The following PPP6R2 variants were observed in gnomAD, a reference collection of about 807,000 sequenced individuals.
The protein encoded by PPP6R2 is protein phosphatase 6 regulatory subunit 2.
Under a neutral mutation model 100.2 loss-of-function variants are expected in PPP6R2, and 62 were observed. The observed-to-expected ratio is 0.62, with a 90% CI of 0.50 to 0.76. The LOEUF (loss-of-function observed/expected upper bound fraction) is 0.76. PPP6R2 is among the 30% of genes least tolerant of loss of function. The probability of loss-of-function intolerance (pLI) is 0.00; values close to 1 mark genes in which losing one functional copy is unlikely to be tolerated. For missense variants in PPP6R2, 1,142 were observed against 1,276.3 expected, an observed-to-expected ratio of 0.89 and a Z score of 1.60; for synonymous variants, 525 against 514.7, an observed-to-expected ratio of 1.02 and a Z score of -0.27.
chr22:50,397,238 G>A (rs377578818), intron 3 of PPP6R2, among the ~76,000 whole-genome samples: 22 of 152,058 alleles, frequency 1.4e-4, no homozygotes, highest in East Asian at 1.2e-3. Flanking sequence ...CTGTGACTTC[G>A]GAGGGAGAGC....
chr22:50,378,412 C>T (rs1356743322), intron 2 of PPP6R2, among the ~76,000 whole-genome samples: 1 of 151,808 alleles, frequency 6.6e-6, no homozygotes, highest in Non-Finnish European at 1.5e-5. Context: ...CGTGGAGAAA[C>T]CCCATCTCTA....
intron 2 of PPP6R2, among the ~76,000 whole-genome samples, chr22:50,389,640 C>A (rs1319527905): frequency 6.6e-6 from 1 of 151,406 alleles, no homozygotes; most frequent in Middle Eastern, 3.2e-3. Context: ...GCTCTGTCGC[C>A]CAGGCTGGAG....
chr22:50,419,262 G>T, intron 7 of PPP6R2, 87 bp from the exon 8 acceptor site: 2 of 1,183,100 alleles, frequency 1.7e-6, no homozygotes, highest in Non-Finnish European at 2.5e-6. Flanking sequence ...TTTTGCTGGG[G>T]TCCTCCACGG....
intron 2 of PPP6R2, among the ~76,000 whole-genome samples, chr22:50,375,187 A>C (rs1345941464): frequency 6.6e-6 from 1 of 152,086 alleles, no homozygotes; most frequent in Non-Finnish European, 1.5e-5. Context: ...GCAAGGTTTT[A>C]TGTTTCTGAG....
intron 2 of PPP6R2, among the ~76,000 whole-genome samples, chr22:50,376,007 A>G (rs902508219): frequency 6.6e-6 from 1 of 151,546 alleles, no homozygotes; most frequent in African/African-American, 2.4e-5. Flanking sequence ...TAATTTTTGT[A>G]TTTTTAGTAA....
chr22:50,408,668 T>C (rs1299595356), intron 4 of PPP6R2, among the ~76,000 whole-genome samples: 1 of 152,216 alleles, frequency 6.6e-6, no homozygotes, highest in Admixed American at 6.5e-5. Flanking sequence ...AGTGACTAGA[T>C]GCATGTATCT....
Position 50,401,553 on chromosome 22 carries a change from C to A in PPP6R2, c.228-5136C>A, listed in dbSNP as rs577753804. ...GACAGAGTCTGTCTCGCTCTGTCGC[C>A]CAGGCTGGAGTACAGTGATGCGATC... On this transcript the variant is annotated intron_variant, in intron 3 of 23. Transcript: ENST00000612753. Among the ~76,000 whole-genome samples, 218 of 151,032 alleles carry A rather than the reference C, an allele frequency of 1.4e-3. 1 individual carries two copies. Among genetic ancestry groups the A allele is most frequent in the African/African-American group, 5.1e-3 (208 of 41,124 alleles).
the PPP6R2 span, among the ~76,000 whole-genome samples, chr22:50,335,427 C>G: frequency 6.6e-6 from 1 of 151,628 alleles, no homozygotes; most frequent in African/African-American, 2.4e-5. Context: ...CTCAAACTGA[C>G]CTTGTGATCT....
intron 22 of PPP6R2, among the ~76,000 whole-genome samples, chr22:50,442,201 C>T (rs558184452): frequency 4.5e-4 from 68 of 152,342 alleles, no homozygotes; most frequent in South Asian, 4.1e-4. Flanking sequence ...GTGGGGCAGG[C>T]CTGACACCTC....
chr22:50,426,844 A>AC (rs1238123410), intron 10 of PPP6R2, among the ~76,000 whole-genome samples: 1 of 149,106 alleles, frequency 6.7e-6, no homozygotes, highest in Non-Finnish European at 1.5e-5. Context: ...AAAAAAAAAA[A>AC]AAAAAAACAC....
At chr22:50,353,934 G>T (rs1023039233) in intron 1 of PPP6R2, among the ~76,000 whole-genome samples, 58 of 152,044 alleles carry the variant, frequency 3.8e-4, no homozygotes, top group African/African-American at 1.4e-3. Flanking sequence ...ATACATTTTG[G>T]AATTGTAACG....
At chr22:50,397,059 G>A (rs2057044003) in intron 3 of PPP6R2, among the ~76,000 whole-genome samples, 1 of 152,154 alleles carries the variant, frequency 6.6e-6, no homozygotes, top group East Asian at 1.9e-4. Context: ...TCCCAGAGTA[G>A]CATCAGTGAG....
intron 1 of PPP6R2, among the ~76,000 whole-genome samples, chr22:50,363,509 C>G (rs903331659): frequency 6.6e-6 from 1 of 152,176 alleles, no homozygotes; most frequent in Non-Finnish European, 1.5e-5. Flanking sequence ...AATGCTCATG[C>G]AAAGCTTTTT....
chr22:50,419,562 T>C, intron 8 of PPP6R2, 100 bp downstream of exon 8: 1 of 821,168 alleles, frequency 1.2e-6, no homozygotes, highest in Non-Finnish European at 2.0e-6. Context: ...GTGGTTTTAA[T>C]TTTTGATTAT....
At chr22:50,403,354 G>T (rs1260215588) in intron 3 of PPP6R2, among the ~76,000 whole-genome samples, 1 of 152,168 alleles carries the variant, frequency 6.6e-6, no homozygotes, top group African/African-American at 2.4e-5. Context: ...ACCGGTCTTA[G>T]TGTTAGAGAT....
chr22:50,443,637 T>C (rs968407526), intron 22 of PPP6R2: 45 of 599,866 alleles, frequency 7.5e-5, no homozygotes, highest in African/African-American at 7.0e-4. Context: ...TGGAGGAGGT[T>C]TGAGGTCATC....
At chr22:50,430,119 G>A (rs763781409) in intron 10 of PPP6R2, among the ~76,000 whole-genome samples, 29 of 152,260 alleles carry the variant, frequency 1.9e-4, no homozygotes, top group African/African-American at 5.3e-4. Flanking sequence ...GGGCGAGTGC[G>A]TCAGACCTAT....
At chr22:50,437,820 A>G (rs1242581008) in intron 16 of PPP6R2, 23 bp from the exon 17 acceptor site, 28 of 1,551,778 alleles carry the variant, frequency 1.8e-5, no homozygotes, top group Non-Finnish European at 2.4e-5. Flanking sequence ...GGAACGCTGA[A>G]GCCATCCCCC....
chr22:50,432,993 C>T (rs995971675), intron 12 of PPP6R2, among the ~76,000 whole-genome samples: 17 of 152,258 alleles, frequency 1.1e-4, no homozygotes, highest in Non-Finnish European at 2.4e-4. Flanking sequence ...CTGCCACCAG[C>T]GGGACTTAGG....
Sources: allele counts gnomAD v4.1 joint callset (sites outside exome capture counted in the v4.1 genomes callset), GRCh38; gene constraint gnomAD v4.1.1; transcripts MANE v1.5; gene names NCBI Gene and HGNC (gene_info 2026-07-23, HGNC 2026-07-21).